Variants in UGT1A8 observed in about 807,000 individuals in gnomAD.
The protein encoded by UGT1A8 is UDP-glucuronosyltransferase 1A8.
A neutral mutation model predicts 45.3 loss-of-function variants in UGT1A8; 39 were observed. That is an observed-to-expected ratio of 0.86 (90% CI 0.67 to 1.12). The LOEUF is 1.12. UGT1A8 is among the 50% of genes most tolerant of loss of function. The probability of loss-of-function intolerance (pLI) is 0.00; values close to 1 mark genes in which losing one functional copy is unlikely to be tolerated. For synonymous variants in UGT1A8, 275 were observed against 249.2 expected, an observed-to-expected ratio of 1.10 and a Z score of -0.97; for missense variants, 719 against 664.9, an observed-to-expected ratio of 1.08 and a Z score of -0.90.
At position 233,769,083 on chromosome 2, in the gene UGT1A8, A is replaced by G. The variant is rs1376592971; in HGVS notation, c.1295+644A>G. On this transcript the variant is annotated intron_variant, in intron 4 of 4. Coordinates refer to ENST00000373450, the MANE Select transcript of UGT1A8 (RefSeq NM_019076.5). This position sits in a 1 kb window ranked among gnomAD's most constrained non-coding sequence, Gnocchi z 4.4. The stretch of plus-strand genomic sequence containing the variant: ...ACAGAAAGAAATACTCCATTATAAG[A>G]AGCATAGTATCTTTAAGAGAAAAAC... 1.3e-5 allele frequency among the ~76,000 whole-genome samples: 2 copies of G among 152,224 alleles called. No homozygotes were observed. Among genetic ancestry groups the G allele is most frequent in the Non-Finnish European group, 2.9e-5 (2 of 68,046 alleles).
chr2:233,682,221 A>G (rs2074565601), intron 1 of UGT1A8: 2 of 1,614,082 alleles, frequency 1.2e-6, no homozygotes, highest in Non-Finnish European at 1.7e-6. Context: ...GTTTTTGCCG[A>G]TGCTCGCTGG....
In UGT1A8 at chr2:233,748,004, T is replaced by C. The variant is rs554173710; in HGVS notation, c.856-19030T>C. On this transcript the variant is annotated intron_variant, in intron 1 of 4. Coordinates refer to ENST00000373450, the MANE Select transcript of UGT1A8 (RefSeq NM_019076.5). ...TGTTCCGAGGGGACTTTGTGATGGATTACCCCAGGCCGATCATGCCCAACA... is the reference window on the plus strand; with the variant it reads ...TGTTCCGAGGGGACTTTGTGATGGACTACCCCAGGCCGATCATGCCCAACA... 1,894 of 1,613,440 alleles carry C rather than the reference T, an allele frequency of 1.2e-3. 7 individuals are homozygous for C. Among genetic ancestry groups the C allele is most frequent in the Non-Finnish European group, 1.4e-3 (1,636 of 1,179,848 alleles).
chr2:233,772,555 A>G lies in UGT1A8; in HGVS notation c.1589A>G (p.His530Arg), dbSNP rs1350310639. Reference sequence around the variant, plus strand: ...AAGAAAGCCCACAAATCCAAGACCCATTGAGAAGTGGGTGGGAAATAAGGT... The same window carrying G: ...AAGAAAGCCCACAAATCCAAGACCCGTTGAGAAGTGGGTGGGAAATAAGGT... The part of the protein sequence containing the change: ...RVKKAHKSKT[H>R] The change falls in exon 5 of 5, where the codon CAT becomes CGT. Residue 530 changes from histidine to arginine, a missense_variant. Transcript: ENST00000373450. The G allele has an allele frequency of 3.1e-6, 5 of 1,613,990 alleles. No homozygotes were observed. In the South Asian group the frequency reaches 5.5e-5, roughly 18 times the overall value.
chr2:233,670,284 G>T (rs1468821814), intron 1 of UGT1A8, among the ~76,000 whole-genome samples: 2 of 152,184 alleles, frequency 1.3e-5, no homozygotes, highest in African/African-American at 2.4e-5. Flanking sequence ...CTGTTTCAGG[G>T]GTGGCAGAGG....
intron 1 of UGT1A8, among the ~76,000 whole-genome samples, chr2:233,661,623 TTTTCTTTC>T (rs55749169): frequency 0.03 from 3,769 of 123,970 alleles, 87 homozygotes; most frequent in Non-Finnish European, 0.036. Context: ...ACTTACTGAA[TTTTCTTTC>T]TTTCTTTCTT....
At chr2:233,748,319 T>C (rs554683228) in intron 1 of UGT1A8, among the ~76,000 whole-genome samples, 1 of 151,864 alleles carries the variant, frequency 6.6e-6, no homozygotes, top group South Asian at 2.1e-4. Flanking sequence ...GGACTAGGAC[T>C]GATGTGACTC....
intron 1 of UGT1A8, chr2:233,647,934 G>A: frequency 5.0e-6 from 8 of 1,604,694 alleles, no homozygotes; most frequent in Non-Finnish European, 6.8e-6. Flanking sequence ...CACTGCCCAT[G>A]GATGGGAGCC....
rs138562568 is a variant in UGT1A8 at position 233,637,824 on chromosome 2, A to G, written c.855+19262A>G. Reference sequence around the variant, plus strand: ...TAAAATCTAGTATTGGGCTGAACATATTCTTCTTTATCTTGCATTTTTCAC... The same window carrying G: ...TAAAATCTAGTATTGGGCTGAACATGTTCTTCTTTATCTTGCATTTTTCAC... On this transcript the variant is annotated intron_variant, in intron 1 of 4. Transcript: ENST00000373450. Among the ~76,000 whole-genome samples, 797 of 152,298 alleles carry G rather than the reference A, an allele frequency of 5.2e-3. 7 individuals are homozygous for G. The highest frequency in any genetic ancestry group is 8.6e-3 in the Non-Finnish European group (582 of 68,000).
intron 1 of UGT1A8, among the ~76,000 whole-genome samples, chr2:233,642,725 G>A (rs2073483066): frequency 6.6e-6 from 1 of 152,170 alleles, no homozygotes; most frequent in Non-Finnish European, 1.5e-5. Flanking sequence ...TCTGCTTTAG[G>A]GGGCACCCCA....
At chr2:233,761,840 A>T (rs1697880873) in intron 1 of UGT1A8, among the ~76,000 whole-genome samples, 1 of 152,140 alleles carries the variant, frequency 6.6e-6, no homozygotes, top group African/African-American at 2.4e-5. Context: ...AGCGTTAGGG[A>T]ATTACTCTTT....
intron 1 of UGT1A8, among the ~76,000 whole-genome samples, chr2:233,709,126 C>T (rs1018411763): frequency 5.3e-5 from 8 of 152,124 alleles, no homozygotes; most frequent in Non-Finnish European, 1.2e-4. Context: ...ATCATGGTGG[C>T]CAAGGGGATG....
rs986724636 is a variant in UGT1A8 at position 233,682,888 on chromosome 2, A to G, written c.855+64326A>G. On this transcript the variant is annotated intron_variant, in intron 1 of 4. Transcript: ENST00000373450. Reference sequence around the variant, plus strand: ...ATAATTTATCATTTACATTTGTCCCATTTGGAATTTCTTTCTGGTTTAAGG... The same window carrying G: ...ATAATTTATCATTTACATTTGTCCCGTTTGGAATTTCTTTCTGGTTTAAGG... 1.2e-5 allele frequency: 18 copies of G among 1,508,748 alleles called. No individual in the cohort carries two copies. In the African/African-American group the frequency reaches 2.5e-4, roughly 21 times the overall value. 93.5% of individuals were successfully genotyped at this position (1,508,748 alleles called of 1,614,324 possible). A position where few individuals can be genotyped will look rare whatever the true frequency, so the allele number is the denominator to read the frequency against.
chr2:233,691,922 G>A (rs1422261800), intron 1 of UGT1A8: 1 of 152,442 alleles, frequency 6.6e-6, no homozygotes, highest in Non-Finnish European at 1.5e-5. Context: ...AGTGGTGGGA[G>A]CGATAAACGT....
chr2:233,719,730 C>T (rs2011219), intron 1 of UGT1A8: 110,168 of 1,613,484 alleles, frequency 0.068, 5,029 homozygotes, highest in South Asian at 0.18. Flanking sequence ...CCAGGCAAAA[C>T]ACTTTTTAAA....
intron 1 of UGT1A8, among the ~76,000 whole-genome samples, chr2:233,748,667 G>T (rs899453782): frequency 7.9e-5 from 12 of 151,802 alleles, no homozygotes; most frequent in Middle Eastern, 3.4e-3. Flanking sequence ...TTTCCAGAGA[G>T]GGATCTGTGC....
intron 1 of UGT1A8, among the ~76,000 whole-genome samples, chr2:233,720,925 G>A (rs1022099948): frequency 2.7e-5 from 4 of 149,372 alleles, no homozygotes; most frequent in African/African-American, 9.9e-5. Context: ...TAGCCAGGCT[G>A]GTCTTGAACT....
chr2:233,724,302 T>C (rs1575551867), intron 1 of UGT1A8, among the ~76,000 whole-genome samples: 2 of 123,390 alleles, frequency 1.6e-5, no homozygotes, highest in Admixed American at 8.1e-5. Flanking sequence ...CCCCCCCACC[T>C]CCCTCCCGGA....
At chr2:233,619,496 G>T (rs189986851) in intron 1 of UGT1A8, among the ~76,000 whole-genome samples, 1 of 152,086 alleles carries the variant, frequency 6.6e-6, no homozygotes, top group Non-Finnish European at 1.5e-5. Context: ...TTCCTGAATT[G>T]AGAAGATTGG....
At chr2:233,742,091 C>T (rs1449888416) in intron 1 of UGT1A8, 1 of 151,792 alleles carries the variant, frequency 6.6e-6, no homozygotes, top group Non-Finnish European at 1.5e-5. Context: ...TTTACATTTC[C>T]AGGACCCACT....
Sources: allele counts gnomAD v4.1 joint callset (sites outside exome capture counted in the v4.1 genomes callset), GRCh38; gene constraint gnomAD v4.1.1; non-coding constraint Gnocchi (gnomAD v3.1); transcripts MANE v1.5; gene names NCBI Gene and HGNC (gene_info 2026-07-23, HGNC 2026-07-21).